Variants in SNX9 observed in about 807,000 individuals in gnomAD.
SNX9 encodes sorting nexin 9.
In SNX9, 44 loss-of-function variants were observed where a neutral mutation model predicts 89.4. The ratio of observed to expected loss-of-function variants is 0.49; its 90% CI spans 0.39 to 0.63. The LOEUF is 0.63. SNX9 is among the 30% of genes least tolerant of loss of function. The pLI is 0.00. For synonymous variants in SNX9, 236 were observed against 247.8 expected (o/e 0.95, Z 0.45); for missense variants, 578 against 736.1 (o/e 0.79, Z 2.49).
intron 6 of SNX9, 49 bp from the exon 7 acceptor site, chr6:157,906,079 T>C (rs1194523614): frequency 3.3e-6 from 5 of 1,507,078 alleles, no homozygotes; most frequent in East Asian, 2.3e-5. Context: ...GTTGTAAAAT[T>C]CTTACAAGGA....
Position 157,927,718 on chromosome 6 carries a change from CTTTTTTTT to C in SNX9, c.1184+523_1184+530del, listed in dbSNP as rs761592456. 5.7e-3 allele frequency among the ~76,000 whole-genome samples: 559 copies of C among 98,682 alleles called. 3 individuals are homozygous for C. Among genetic ancestry groups the C allele is most frequent in the South Asian group, 0.013 (40 of 3,036 alleles). 64.7% of individuals were successfully genotyped at this position (98,682 alleles called of 152,430 possible). A position where few individuals can be genotyped will look rare whatever the true frequency, so the allele number is the denominator to read the frequency against. Reference sequence around the variant, plus strand: ...AATTTGCGTGGTTTTTAATTTTAAGCTTTTTTTTTTTTTTTTTTTTTTTTTTGAGACGG... The same window carrying C: ...AATTTGCGTGGTTTTTAATTTTAAGCTTTTTTTTTTTTTTTTTTGAGACGG... On this transcript the variant is annotated intron_variant, in intron 11 of 17. Transcript: ENST00000392185.
Position 157,933,545 on chromosome 6 carries a change from A to G in SNX9, c.1366+1273A>G, listed in dbSNP as rs75665067. Among the ~76,000 whole-genome samples the G allele has an allele frequency of 1.2e-3, 186 of 152,326 alleles. 1 individual carries two copies. In the East Asian group the frequency reaches 0.021, roughly 17 times the overall value. On this transcript the variant is annotated intron_variant, in intron 13 of 17. Transcript: ENST00000392185. Reference sequence around the variant, plus strand: ...CTGGCCTTACCATGTCTTACAGTTGACACTTTTAGACCAGAAGCGGGCTTT... The same window carrying G: ...CTGGCCTTACCATGTCTTACAGTTGGCACTTTTAGACCAGAAGCGGGCTTT...
Position 157,940,864 on chromosome 6 carries a change from G to A in SNX9, c.1649-19G>A, listed in dbSNP as rs756944021. On this transcript the variant is annotated intron_variant, in intron 16 of 17. Transcript: ENST00000392185. ...AAAACTTGAGGGAAAACTGATTGAT[G>A]TTCTGATTTGGGTTGTAGCTGAGAT... is the stretch of plus-strand genomic sequence containing the variant. The A allele has an allele frequency of 5.0e-6, 8 of 1,610,990 alleles. No homozygotes were observed. The highest frequency in any genetic ancestry group is 1.3e-5 in the African/African-American group (1 of 74,866).
At chr6:157,855,512 T>C (rs142846698) in intron 1 of SNX9, among the ~76,000 whole-genome samples, 136 of 152,366 alleles carry the variant, frequency 8.9e-4, no homozygotes, top group African/African-American at 3.1e-3. Flanking sequence ...CTAAACCTTA[T>C]GCCCTTACCA....
intron 4 of SNX9, among the ~76,000 whole-genome samples, chr6:157,884,933 C>T (rs1017584292): frequency 6.6e-6 from 1 of 152,134 alleles, no homozygotes; most frequent in Non-Finnish European, 1.5e-5. Flanking sequence ...ATCCTGTCAT[C>T]AGCACAGTGT....
chr6:157,851,231 T>C (rs1583199178), intron 1 of SNX9, among the ~76,000 whole-genome samples: 1 of 151,226 alleles, frequency 6.6e-6, no homozygotes, highest in African/African-American at 2.4e-5. Context: ...GCACTCCAGC[T>C]TGGGTGACAG....
chr6:157,911,845 T>C (rs1283353517), intron 9 of SNX9, among the ~76,000 whole-genome samples: 1 of 152,222 alleles, frequency 6.6e-6, no homozygotes, highest in African/African-American at 2.4e-5. Context: ...TTGATTTTGA[T>C]TTTTTTGGAA....
chr6:157,857,648 CTTG>C (rs1782038275), intron 1 of SNX9, among the ~76,000 whole-genome samples: 2 of 140,262 alleles, frequency 1.4e-5, no homozygotes, highest in Admixed American at 6.9e-5. Context: ...CTAGTTTTTC[CTTG>C]TTTTTTTTTT....
intron 9 of SNX9, among the ~76,000 whole-genome samples, chr6:157,915,654 T>TATATATATATATATATATATAC (rs1783450735): frequency 1.6e-5 from 2 of 122,590 alleles, no homozygotes; most frequent in African/African-American, 6.6e-5. Flanking sequence ...TATATATATA[T>TATATATATATATATATATATAC]ATACACACAC....
intron 3 of SNX9, chr6:157,874,087 G>T (rs1370352146): frequency 6.6e-6 from 1 of 152,198 alleles, no homozygotes; most frequent in African/African-American, 2.4e-5. Flanking sequence ...CAGGAGAAAA[G>T]AATTCCCCCC....
intron 9 of SNX9, among the ~76,000 whole-genome samples, chr6:157,918,351 G>A (rs758800098): frequency 2.0e-5 from 3 of 152,058 alleles, no homozygotes; most frequent in African/African-American, 4.8e-5. Flanking sequence ...ATATCATGAG[G>A]TGTCCCCCAT....
At position 157,927,092 on chromosome 6, in the gene SNX9, A is replaced by G. The variant is rs369703354; in HGVS notation, c.1081-19A>G. On this transcript the variant is annotated intron_variant, in intron 10 of 17. Transcript: ENST00000392185. ...TGACTGTGCTCTCCACTTGAACCTTACAACATTCTCATTTACAGGAATGGA... is the reference window on the plus strand; with the variant it reads ...TGACTGTGCTCTCCACTTGAACCTTGCAACATTCTCATTTACAGGAATGGA... 241 of 1,598,718 alleles carry G rather than the reference A, an allele frequency of 1.5e-4. 1 individual carries two copies. The South Asian group carries it at 1.8e-3, about 12-fold the overall frequency.
chr6:157,851,839 T>G (rs947350214), intron 1 of SNX9, among the ~76,000 whole-genome samples: 3 of 152,204 alleles, frequency 2.0e-5, no homozygotes, highest in East Asian at 1.9e-4. Context: ...GTGACCTGCC[T>G]CTGCCTCCCA....
At chr6:157,909,082 A>C (rs1410500612) in intron 7 of SNX9, among the ~76,000 whole-genome samples, 2 of 152,132 alleles carry the variant, frequency 1.3e-5, no homozygotes, top group Non-Finnish European at 1.5e-5. Flanking sequence ...GTAGTAAAAC[A>C]ATGACTATCA....
At chr6:157,933,183 G>A (rs1018971182) in intron 13 of SNX9, among the ~76,000 whole-genome samples, 1 of 152,136 alleles carries the variant, frequency 6.6e-6, no homozygotes, top group Non-Finnish European at 1.5e-5. Context: ...AGTCTCAGCT[G>A]TTCTGGAGGC....
chr6:157,886,036 C>T (rs539218399), intron 4 of SNX9, among the ~76,000 whole-genome samples: 8 of 152,296 alleles, frequency 5.3e-5, no homozygotes, highest in African/African-American at 1.9e-4. Flanking sequence ...ACGATGGAGA[C>T]AGACAGACGT....
chr6:157,868,044 G>C (rs991075867), intron 2 of SNX9, among the ~76,000 whole-genome samples: 2 of 152,148 alleles, frequency 1.3e-5, no homozygotes, highest in Non-Finnish European at 2.9e-5. Flanking sequence ...ATAAGTAAAA[G>C]ATGATGGTGA....
chr6:157,939,637 G>A (rs192350272), intron 16 of SNX9, among the ~76,000 whole-genome samples: 1 of 152,294 alleles, frequency 6.6e-6, no homozygotes, highest in African/African-American at 2.4e-5. Flanking sequence ...GGCATTCATG[G>A]GAGAAAGAGA....
chr6:157,936,591 A>C (rs200157494), intron 14 of SNX9, among the ~76,000 whole-genome samples: 1 of 152,366 alleles, frequency 6.6e-6, no homozygotes, highest in East Asian at 1.9e-4. Flanking sequence ...ATTCTAAAGA[A>C]CAGGAAAGAA....
Sources: gnomAD v4.1 joint callset for allele counts (sites outside exome capture counted in the v4.1 genomes callset) on GRCh38, gnomAD v4.1.1 for gene constraint, MANE v1.5 for transcripts, NCBI Gene and HGNC (gene_info 2026-07-23, HGNC 2026-07-21) for gene names.